MMP26: variants seen among roughly 807,000 people sequenced by gnomAD.
MMP26 encodes the protein matrix metallopeptidase 26, also known as matrix metalloproteinase-26.
A neutral mutation model predicts 31.0 loss-of-function variants in MMP26; 33 were observed. That is an observed-to-expected ratio of 1.06 (90% CI 0.81 to 1.42). The LOEUF (loss-of-function observed/expected upper bound fraction) is 1.42, where lower values mean the gene tolerates loss of function less well. Ranked by LOEUF, MMP26 falls within the 40% of genes most tolerant of loss-of-function variation. MMP26 has a pLI of 0.00. For synonymous variants in MMP26, 122 were observed against 114.9 expected, an observed-to-expected ratio of 1.06 and a Z score of -0.40; for missense variants, 347 against 316.1, an observed-to-expected ratio of 1.10 and a Z score of -0.74.
chr11:4,950,153 A>G (rs1189402841), intron 2 of MMP26, among the ~76,000 whole-genome samples: 1 of 123,910 alleles, frequency 8.1e-6, no homozygotes, highest in Non-Finnish European at 1.8e-5. Flanking sequence ...TTTGAGTTGG[A>G]CAATAGGCCT....
rs770814163 is a variant in MMP26 at position 4,991,964 on chromosome 11, G to T, written c.596G>T (p.Gly199Val). 6.3e-7 allele frequency: 1 copy of T among 1,590,044 alleles called. No homozygotes were observed. The highest frequency in any genetic ancestry group is 1.9e-5 in the Admixed American group (1 of 53,170). Residue 199 changes from glycine to valine, a missense_variant and splice_region_variant, in exon 7 of 8, where the codon GGA becomes GTA. Gly to Val is a moderately radical substitution (Grantham distance 109). Transcript: ENST00000380390. ...KNEHWSASDT[G>V]YNLFLVATHE... ...CTTTTTTTTTTCTATAATTTTTCAGGATATAATCTGTTCCTGGTTGCAACT... is the reference window on the plus strand; with the variant it reads ...CTTTTTTTTTTCTATAATTTTTCAGTATATAATCTGTTCCTGGTTGCAACT...
At chr11:4,706,636 A>T (rs1847784847) in intron 1 of MMP26, among the ~76,000 whole-genome samples, 1 of 151,812 alleles carries the variant, frequency 6.6e-6, no homozygotes, top group African/African-American at 2.4e-5. Flanking sequence ...AACACTTAAC[A>T]TGAGATTTAC....
intron 2 of MMP26, among the ~76,000 whole-genome samples, chr11:4,932,028 C>T (rs1344143237): frequency 2.0e-5 from 3 of 151,954 alleles, no homozygotes; most frequent in African/African-American, 4.8e-5. Context: ...TGCAAAGTAA[C>T]GATATTTTAA....
At chr11:4,798,508 C>T (rs956688048) in intron 2 of MMP26, among the ~76,000 whole-genome samples, 10 of 152,198 alleles carry the variant, frequency 6.6e-5, no homozygotes, top group Non-Finnish European at 1.0e-4. Flanking sequence ...ACTGACATGC[C>T]TCTACTCTCC....
intron 1 of MMP26, among the ~76,000 whole-genome samples, chr11:4,729,409 T>C (rs903089814): frequency 6.6e-6 from 1 of 151,892 alleles, no homozygotes; most frequent in African/African-American, 2.4e-5. Flanking sequence ...TGACAGAAGG[T>C]GGAAATGTGG....
chr11:4,750,591 A>G (rs1225947765), intron 1 of MMP26, among the ~76,000 whole-genome samples: 1 of 152,072 alleles, frequency 6.6e-6, no homozygotes, highest in Non-Finnish European at 1.5e-5. Context: ...ACTCAGTCAT[A>G]AAAAAGAATG....
Position 4,730,828 on chromosome 11 carries a change from T to G in MMP26, c.-217+25783T>G, listed in dbSNP as rs191255991. On this transcript the variant is annotated intron_variant, in intron 1 of 7. Coordinates refer to ENST00000380390, the MANE Select transcript of MMP26 (RefSeq NM_021801.5). ...GCACCCTGCTACATCAGTAAAACTTTCAGTGGTCTGGTAGTCTGAGGTATG... is the reference window on the plus strand; with the variant it reads ...GCACCCTGCTACATCAGTAAAACTTGCAGTGGTCTGGTAGTCTGAGGTATG... Among the ~76,000 whole-genome samples the G allele has an allele frequency of 1.2e-4, 19 of 152,330 alleles. No individual in the cohort carries two copies. In the East Asian group the frequency reaches 2.5e-3, roughly 20 times the overall value.
chr11:4,846,515 T>C (rs1849869930), intron 2 of MMP26, among the ~76,000 whole-genome samples: 1 of 152,130 alleles, frequency 6.6e-6, no homozygotes, highest in South Asian at 2.1e-4. Flanking sequence ...CTCTAGTCAA[T>C]AATAACTTAA....
chr11:4,956,275 C>T (rs564775561), intron 2 of MMP26, among the ~76,000 whole-genome samples: 1 of 152,312 alleles, frequency 6.6e-6, no homozygotes, highest in East Asian at 1.9e-4. Flanking sequence ...CCACAAAAGA[C>T]TGCTCTTATT....
chr11:4,859,058 T>C (rs1372435145), intron 2 of MMP26, among the ~76,000 whole-genome samples: 1 of 152,162 alleles, frequency 6.6e-6, no homozygotes, highest in Non-Finnish European at 1.5e-5. Flanking sequence ...TTACACCTTA[T>C]GCAAAAATTA....
intron 2 of MMP26, among the ~76,000 whole-genome samples, chr11:4,864,558 C>G (rs774546244): frequency 6.6e-6 from 1 of 152,118 alleles, no homozygotes; most frequent in Non-Finnish European, 1.5e-5. Flanking sequence ...CCATTTCTTT[C>G]CCACTGTGTA....
At chr11:4,956,864 C>T (rs1290763354) in intron 2 of MMP26, among the ~76,000 whole-genome samples, 1 of 152,160 alleles carries the variant, frequency 6.6e-6, no homozygotes, top group Non-Finnish European at 1.5e-5. Flanking sequence ...ATTTTGTACA[C>T]AATAATGACC....
intron 1 of MMP26, among the ~76,000 whole-genome samples, chr11:4,744,305 A>G (rs532639376): frequency 1.3e-5 from 2 of 152,360 alleles, no homozygotes; most frequent in Middle Eastern, 3.4e-3. Context: ...AAGCTGCCTT[A>G]AATAATAAAA....
At chr11:4,877,808 T>C (rs533012276) in intron 2 of MMP26, 73 of 152,178 alleles carry the variant, frequency 4.8e-4, no homozygotes, top group Non-Finnish European at 8.7e-4. Flanking sequence ...ATAATGGTTT[T>C]CATGAGAGCA....
rs139618260 is a variant in MMP26 at position 4,867,582 on chromosome 11, G to A, written c.-145+100241G>A. ...ATTTTTGTATTTTTAGTAGAGATGG[G>A]GTTTCACCATGTTGGCTAAGCTGGT... On this transcript the variant is annotated intron_variant, in intron 2 of 7. Coordinates refer to ENST00000380390, the MANE Select transcript of MMP26 (RefSeq NM_021801.5). Among the ~76,000 whole-genome samples the A allele has an allele frequency of 9.5e-3, 1,435 of 151,776 alleles. 27 individuals are homozygous for A. The highest frequency in any genetic ancestry group is 0.033 in the African/African-American group (1,372 of 41,364).
In MMP26 at chr11:4,924,144, C is replaced by T. The variant is rs895648965; in HGVS notation, c.-144-63924C>T. On this transcript the variant is annotated intron_variant, in intron 2 of 7. Coordinates refer to ENST00000380390, the MANE Select transcript of MMP26 (RefSeq NM_021801.5). The stretch of plus-strand genomic sequence containing the variant: ...CCTAAGTCTGTGACAGCTAGCATGC[C>T]CAAGAAATAGTACATGGGTCCATGG... The T allele has an allele frequency of 3.7e-6, 6 of 1,613,912 alleles. No individual in the cohort carries two copies. In the Admixed American group the frequency reaches 1.0e-4, roughly 27 times the overall value.
At chr11:4,928,867 T>C (rs1851308310) in intron 2 of MMP26, among the ~76,000 whole-genome samples, 2 of 152,130 alleles carry the variant, frequency 1.3e-5, no homozygotes, top group Non-Finnish European at 2.9e-5. Flanking sequence ...TGCAGTGGAA[T>C]ATTAAAGCTA....
rs912633228 is a variant in MMP26, at chr11:4,915,407, A to G, written c.-144-72661A>G. The G allele has an allele frequency of 5.0e-6, 8 of 1,614,068 alleles. No individual in the cohort carries two copies. The highest frequency in any genetic ancestry group is 6.8e-6 in the Non-Finnish European group (8 of 1,180,020). On this transcript the variant is annotated intron_variant, in intron 2 of 7. Coordinates refer to ENST00000380390, the MANE Select transcript of MMP26 (RefSeq NM_021801.5). Reference sequence around the variant, plus strand: ...TGCTCCAACCCAAAAGATGCCCAGGACTGTAGGGAGAGTGCAAAGGGAGAG... The same window carrying G: ...TGCTCCAACCCAAAAGATGCCCAGGGCTGTAGGGAGAGTGCAAAGGGAGAG...
At chr11:4,898,831 CTGTGTGTG>C (rs1157500335) in intron 2 of MMP26, among the ~76,000 whole-genome samples, 4,599 of 93,990 alleles carry the variant, frequency 0.049, 213 homozygotes, top group African/African-American at 0.16. Flanking sequence ...CTCTCTCTCT[CTGTGTGTG>C]TGTGTGTGTG....
Sources: allele counts gnomAD v4.1 joint callset (sites outside exome capture counted in the v4.1 genomes callset), GRCh38; gene constraint gnomAD v4.1.1; transcripts MANE v1.5; gene names NCBI Gene and HGNC (gene_info 2026-07-23, HGNC 2026-07-21).